The following ACOXL variants were observed in gnomAD, a reference collection of about 807,000 sequenced individuals.
ACOXL encodes acyl-CoA oxidase like.
A neutral mutation model predicts 71.9 loss-of-function variants in ACOXL; 70 were observed. That is an observed-to-expected ratio of 0.97 (90% confidence interval 0.80 to 1.19). The LOEUF (loss-of-function observed/expected upper bound fraction) is 1.19, where lower values mean the gene tolerates loss of function less well. ACOXL is among the 50% of genes most tolerant of loss of function. The pLI, the probability that ACOXL is intolerant of heterozygous loss-of-function variation, is 0.00. For missense variants in ACOXL, 703 were observed against 736.3 expected (o/e 0.95, Z 0.52); for synonymous variants, 253 against 281.6 (o/e 0.90, Z 1.02).
chr2:110,933,418 A>G (rs2060550307), intron 11 of ACOXL, 71 bp from the exon 12 acceptor site: 1 of 1,529,414 alleles, frequency 6.5e-7, no homozygotes, highest in Non-Finnish European at 8.9e-7. Flanking sequence ...AGCACTTCAC[A>G]GATAATGCTC....
At chr2:111,045,541 C>A (rs1315023624) in intron 15 of ACOXL, among the ~76,000 whole-genome samples, 2 of 152,196 alleles carry the variant, frequency 1.3e-5, no homozygotes, top group African/African-American at 2.4e-5. Context: ...TTGTAAGTTT[C>A]CTGAGGCCTC....
intron 12 of ACOXL, among the ~76,000 whole-genome samples, chr2:110,966,534 C>T (rs2061938141): frequency 6.6e-6 from 1 of 152,222 alleles, no homozygotes; most frequent in East Asian, 1.9e-4. Flanking sequence ...TGCAGCAGAG[C>T]CAGTGGACAC....
chr2:110,901,675 T>C (rs557365110), intron 10 of ACOXL, among the ~76,000 whole-genome samples: 58 of 144,582 alleles, frequency 4.0e-4, no homozygotes, highest in East Asian at 1.8e-3. Context: ...CACACACACA[T>C]ATACACTCAC....
chr2:110,918,329 A>C (rs552565664), intron 11 of ACOXL, among the ~76,000 whole-genome samples: 1 of 152,224 alleles, frequency 6.6e-6, no homozygotes, highest in Admixed American at 6.5e-5. Flanking sequence ...TGTTTAATAA[A>C]TGGTGTTGGG....
intron 5 of ACOXL, among the ~76,000 whole-genome samples, chr2:110,795,123 G>A (rs1361584207): frequency 3.9e-5 from 6 of 152,178 alleles, no homozygotes; most frequent in African/African-American, 9.7e-5. Context: ...GCGTGGCTGC[G>A]GGTGCTGCCT....
At chr2:110,825,116 A>G (rs1008223356) in intron 9 of ACOXL, among the ~76,000 whole-genome samples, 2 of 152,238 alleles carry the variant, frequency 1.3e-5, no homozygotes, top group Non-Finnish European at 2.9e-5. Flanking sequence ...CCTGAGATTC[A>G]TCCAGAGTTC....
chr2:111,070,500 G>C (rs1479981875), intron 16 of ACOXL, among the ~76,000 whole-genome samples: 1 of 152,222 alleles, frequency 6.6e-6, no homozygotes, highest in East Asian at 1.9e-4. Context: ...CTACCTGAAA[G>C]TGGAGGCTAG....
intron 12 of ACOXL, chr2:110,968,544 G>T (rs1303453892): frequency 3.6e-6 from 4 of 1,112,250 alleles, no homozygotes; most frequent in Admixed American, 1.8e-5. Context: ...ACATGACGGA[G>T]GAGATGTATA....
At chr2:110,776,721 G>A (rs1682696553) in intron 2 of ACOXL, among the ~76,000 whole-genome samples, 1 of 152,096 alleles carries the variant, frequency 6.6e-6, no homozygotes, top group African/African-American at 2.4e-5. Context: ...CCTGGAGTAT[G>A]AAGGGCCTTA....
chr2:111,108,757 A>C lies in ACOXL; in HGVS notation c.1543-8859A>C, dbSNP rs573428175. Among the ~76,000 whole-genome samples the C allele has an allele frequency of 2.8e-4, 42 of 152,270 alleles. No individual in the cohort carries two copies. The South Asian group carries it at 7.5e-3, about 27-fold the overall frequency. ...TATAATGCAGATCTCAGTCATGTTAAAGAAAGTGTCCATCACCCAATAAAT... is the reference window on the plus strand; with the variant it reads ...TATAATGCAGATCTCAGTCATGTTACAGAAAGTGTCCATCACCCAATAAAT... On this transcript the variant is annotated intron_variant, in intron 17 of 17. Transcript: ENST00000439055.
At chr2:110,981,086 G>T (rs1045593001) in intron 12 of ACOXL, among the ~76,000 whole-genome samples, 15 of 152,148 alleles carry the variant, frequency 9.9e-5, no homozygotes, top group Admixed American at 5.2e-4. Flanking sequence ...CTCTGGGCTG[G>T]GTGTAGTGGC....
At chr2:111,117,246 CAAAG>C (rs765317282) in intron 17 of ACOXL, among the ~76,000 whole-genome samples, 4 of 152,164 alleles carry the variant, frequency 2.6e-5, no homozygotes, top group Admixed American at 6.5e-5. Flanking sequence ...ACAGGGGAGG[CAAAG>C]AGAGAGGAGC....
intron 10 of ACOXL, among the ~76,000 whole-genome samples, chr2:110,876,961 G>A (rs1313222965): frequency 1.3e-5 from 2 of 152,210 alleles, no homozygotes; most frequent in Non-Finnish European, 2.9e-5. Flanking sequence ...GAGCCTGGTA[G>A]GCCGGAGCTT....
chr2:111,013,677 T>G (rs2064287660), intron 14 of ACOXL, among the ~76,000 whole-genome samples: 1 of 152,168 alleles, frequency 6.6e-6, no homozygotes, highest in African/African-American at 2.4e-5. Flanking sequence ...TAATTTGTAA[T>G]GAACACATTC....
chr2:110,943,468 G>C (rs2060973722), intron 12 of ACOXL, among the ~76,000 whole-genome samples: 2 of 152,170 alleles, frequency 1.3e-5, no homozygotes, highest in African/African-American at 4.8e-5. Context: ...GTGATATGGT[G>C]AAGCTACAAC....
chr2:111,010,272 A>G (rs2064085493), intron 14 of ACOXL, among the ~76,000 whole-genome samples: 1 of 152,202 alleles, frequency 6.6e-6, no homozygotes, highest in Non-Finnish European at 1.5e-5. Flanking sequence ...CGATATGAAA[A>G]AGGAAACCAA....
chr2:110,784,880 A>G, intron 3 of ACOXL, 65 bp downstream of exon 3: 2 of 1,462,554 alleles, frequency 1.4e-6, no homozygotes, highest in Non-Finnish European at 1.9e-6. Context: ...AGGAATGAAA[A>G]CTATAACCCC....
chr2:110,961,295 C>T (rs940814442), intron 12 of ACOXL, among the ~76,000 whole-genome samples: 1 of 152,194 alleles, frequency 6.6e-6, no homozygotes. Context: ...TGAGTTTCAC[C>T]ATGTAGGAGA....
intron 16 of ACOXL, among the ~76,000 whole-genome samples, chr2:111,089,151 T>G (rs2068381915): frequency 6.6e-6 from 1 of 151,972 alleles, no homozygotes; most frequent in African/African-American, 2.4e-5. Context: ...ATACAAAAAC[T>G]TAGCTGGGCA....
Sources: allele counts gnomAD v4.1 joint callset (sites outside exome capture counted in the v4.1 genomes callset), GRCh38; gene constraint gnomAD v4.1.1; transcripts MANE v1.5; gene names NCBI Gene and HGNC (gene_info 2026-07-23, HGNC 2026-07-21).